Variants in NRG3 observed in about 807,000 individuals in gnomAD.
NRG3 encodes the protein pro-neuregulin-3, membrane-bound isoform.
In NRG3, 31 loss-of-function variants were observed where a neutral mutation model predicts 66.9. The observed-to-expected ratio is 0.46, with a 90% CI of 0.35 to 0.63. NRG3 has a LOEUF of 0.63. Among genes scored for constraint, NRG3 ranks in the 20% least tolerant of loss-of-function variants. The probability of loss-of-function intolerance (pLI) is 0.00; values close to 1 mark genes in which losing one functional copy is unlikely to be tolerated. For synonymous variants in NRG3, 393 were observed against 359.4 expected (o/e 1.09, Z -1.06); for missense variants, 910 against 878.9 (o/e 1.04, Z -0.45).
At chr10:82,968,871 A>G (rs1317038865) in intron 6 of NRG3, among the ~76,000 whole-genome samples, 3 of 152,214 alleles carry the variant, frequency 2.0e-5, no homozygotes, top group Non-Finnish European at 2.9e-5. Context: ...ACAGTTTCAT[A>G]TGGCTGGTGA....
At chr10:82,974,857 C>T (rs1252638244) in intron 7 of NRG3, among the ~76,000 whole-genome samples, 1 of 152,160 alleles carries the variant, frequency 6.6e-6, no homozygotes, top group African/African-American at 2.4e-5. Flanking sequence ...TCTCCTTCAC[C>T]TTTTAATGAG....
intron 2 of NRG3, among the ~76,000 whole-genome samples, chr10:82,537,651 T>C (rs1490410850): frequency 6.6e-6 from 1 of 152,226 alleles, no homozygotes. Context: ...AATAAACATT[T>C]CTAGGTTATT....
chr10:81,906,172 A>G (rs1844587506), intron 1 of NRG3, among the ~76,000 whole-genome samples: 1 of 152,054 alleles, frequency 6.6e-6, no homozygotes, highest in Non-Finnish European at 1.5e-5. Context: ...AGTGCCAGGC[A>G]TGTGTTCATG....
intron 1 of NRG3, among the ~76,000 whole-genome samples, chr10:82,142,461 G>A (rs2069868949): frequency 6.6e-6 from 1 of 152,098 alleles, no homozygotes; most frequent in Admixed American, 6.6e-5. Context: ...AGGGCTGGGT[G>A]TTCAGTAGGA....
intron 2 of NRG3, among the ~76,000 whole-genome samples, chr10:82,577,252 T>G (rs1388247684): frequency 6.6e-6 from 1 of 151,782 alleles, no homozygotes; most frequent in East Asian, 1.9e-4. Flanking sequence ...ACTCTGCATT[T>G]TATTACAGGA....
intron 2 of NRG3, among the ~76,000 whole-genome samples, chr10:82,580,599 T>C (rs550757984): frequency 3.6e-4 from 55 of 152,142 alleles, no homozygotes; most frequent in African/African-American, 1.3e-3. Context: ...TTTTTTACTG[T>C]CTCTATAGTT....
chr10:82,374,613 C>A (rs2022854), intron 2 of NRG3, among the ~76,000 whole-genome samples: 25,917 of 152,062 alleles, frequency 0.17, 3,950 homozygotes, highest in African/African-American at 0.41. Context: ...CTGCAGATTA[C>A]GGTACAGTGG....
chr10:82,647,575 A>G lies in NRG3; in HGVS notation c.954-91002A>G, dbSNP rs865931219. Among the ~76,000 whole-genome samples, 44 of 152,108 alleles carry G rather than the reference A, an allele frequency of 2.9e-4. 1 individual carries two copies. In the South Asian group the frequency reaches 7.9e-3, roughly 27 times the overall value. On this transcript the variant is annotated intron_variant, in intron 2 of 8. Transcript: ENST00000372141. ...TCTAGTTCTAGATCCCTGAGGAATCACCACACTGACTTCCACAATGGTTGA... is the reference window on the plus strand; with the variant it reads ...TCTAGTTCTAGATCCCTGAGGAATCGCCACACTGACTTCCACAATGGTTGA...
chr10:82,521,675 G>A (rs970850440), intron 2 of NRG3, among the ~76,000 whole-genome samples: 2 of 152,056 alleles, frequency 1.3e-5, no homozygotes, highest in East Asian at 1.9e-4. Flanking sequence ...AATGAAGGTC[G>A]CTACATTGAC....
intron 2 of NRG3, among the ~76,000 whole-genome samples, chr10:82,625,081 A>G (rs991014783): frequency 1.3e-5 from 2 of 151,826 alleles, no homozygotes; most frequent in Non-Finnish European, 2.9e-5. Context: ...TCTGTTATCT[A>G]CCAGATACTG....
chr10:82,861,332 C>A (rs2135921324), intron 3 of NRG3, among the ~76,000 whole-genome samples: 1 of 152,198 alleles, frequency 6.6e-6, no homozygotes, highest in East Asian at 1.9e-4. Context: ...ATGCCATCTT[C>A]CTTGAGAGTA....
chr10:82,343,803 G>A (rs1437896795), intron 1 of NRG3, among the ~76,000 whole-genome samples: 1 of 151,996 alleles, frequency 6.6e-6, no homozygotes, highest in Non-Finnish European at 1.5e-5. Context: ...CACCCTGGAT[G>A]CCTGGGTTCC....
At chr10:82,830,597 C>T (rs1273390181) in intron 3 of NRG3, among the ~76,000 whole-genome samples, 2 of 151,932 alleles carry the variant, frequency 1.3e-5, no homozygotes, top group Non-Finnish European at 2.9e-5. Flanking sequence ...GTGTAGTTTC[C>T]TCATTTATAA....
At chr10:82,299,693 C>T (rs1427114462) in intron 1 of NRG3, among the ~76,000 whole-genome samples, 1 of 151,868 alleles carries the variant, frequency 6.6e-6, no homozygotes, top group Non-Finnish European at 1.5e-5. Context: ...TAACTGACAC[C>T]CTGCGGGAGG....
At chr10:81,953,640 T>C (rs550762297) in intron 1 of NRG3, among the ~76,000 whole-genome samples, 1 of 152,332 alleles carries the variant, frequency 6.6e-6, no homozygotes, top group Admixed American at 6.5e-5. Context: ...AGAATGTGAG[T>C]CATTGCCTTT....
At chr10:82,984,743 C>T (rs750583720) in intron 8 of NRG3, 1 of 1,549,662 alleles carries the variant, frequency 6.5e-7, no homozygotes, top group South Asian at 1.2e-5. Flanking sequence ...ATGGAAAGGC[C>T]ACACTTACCT....
intron 2 of NRG3, among the ~76,000 whole-genome samples, chr10:82,547,181 A>G (rs1050222410): frequency 1.3e-5 from 2 of 152,076 alleles, no homozygotes; most frequent in African/African-American, 4.8e-5. Context: ...ACGATATACT[A>G]TCTACATATT....
intron 1 of NRG3, among the ~76,000 whole-genome samples, chr10:81,988,259 T>C (rs1383790603): frequency 6.6e-6 from 1 of 152,064 alleles, no homozygotes. Flanking sequence ...GCAAGTTAAT[T>C]TGTAGAGATA....
At chr10:82,511,160 T>G (rs193202124) in intron 2 of NRG3, among the ~76,000 whole-genome samples, 1 of 152,226 alleles carries the variant, frequency 6.6e-6, no homozygotes, top group Non-Finnish European at 1.5e-5. Context: ...AGGGAAAGCA[T>G]TTTCTGACAT....
Sources: allele counts gnomAD v4.1 joint callset (sites outside exome capture counted in the v4.1 genomes callset), GRCh38; gene constraint gnomAD v4.1.1; transcripts MANE v1.5; gene names NCBI Gene and HGNC (gene_info 2026-07-23, HGNC 2026-07-21).